The following IL31RA variants were observed in gnomAD, a reference collection of about 807,000 sequenced individuals.
The protein encoded by IL31RA is interleukin-31 receptor subunit alpha.
In IL31RA, 66 loss-of-function variants were observed where a neutral mutation model predicts 83.7. The ratio of observed to expected loss-of-function variants is 0.79; its 90% confidence interval spans 0.65 to 0.97. The LOEUF is 0.97. IL31RA is among the 50% of genes least tolerant of loss of function. The pLI is 0.00. For synonymous variants in IL31RA, 325 were observed against 329.0 expected, an observed-to-expected ratio of 0.99 and a Z score of 0.13; for missense variants, 798 against 919.4, an observed-to-expected ratio of 0.87 and a Z score of 1.71.
At chr5:55,906,431 A>G in intron 9 of IL31RA, 143 bp downstream of exon 9, 1 of 828,642 alleles carries the variant, frequency 1.2e-6, no homozygotes, top group Non-Finnish European at 2.0e-6. Context: ...ATGAAGTGAC[A>G]CGCTTCTTGG....
chr5:55,892,626 T>A (rs1183417889), intron 6 of IL31RA, among the ~76,000 whole-genome samples: 1 of 152,220 alleles, frequency 6.6e-6, no homozygotes, highest in Non-Finnish European at 1.5e-5. Context: ...GGCAAGCTGA[T>A]GATTAAGTGC....
At position 55,883,089 on chromosome 5, in the gene IL31RA, G is replaced by T. The variant is rs369542944; in HGVS notation, c.500G>T (p.Gly167Val). Residue 167 changes from glycine (G) to valine (V), a missense_variant, in exon 5 of 15, where the codon GGC becomes GTC. Coordinates refer to ENST00000652347, the MANE Select transcript of IL31RA (RefSeq NM_139017.7). Reference sequence around the variant, plus strand: ...ATTTTCCGTGTGAAACCAGTTTTGGGCATCAAACGAATGATTCAAATTGAA... The same window carrying T: ...ATTTTCCGTGTGAAACCAGTTTTGGTCATCAAACGAATGATTCAAATTGAA... ...PKIFRVKPVLGIKRMIQIEWI... is the reference protein window; with the variant it reads ...PKIFRVKPVLVIKRMIQIEWI... 9 of 1,613,838 alleles carry T rather than the reference G, an allele frequency of 5.6e-6. No individual in the cohort carries two copies. The highest frequency in any genetic ancestry group is 4.0e-5 in the African/African-American group (3 of 74,890).
Position 55,903,576 on chromosome 5 carries a change from C to T in IL31RA, c.1070-2530C>T, listed in dbSNP as rs780335445. On this transcript the variant is annotated intron_variant, in intron 8 of 14. Transcript: ENST00000652347. The surrounding 1 kb of genome is among the most constrained non-coding windows in gnomAD (Gnocchi z 4.7). ...TCATGGTTTCCTGGGGCCGGCGCCA[C>T]GCCCCTGTGGTCTCCGCAGTCTCTG... 2.6e-5 allele frequency among the ~76,000 whole-genome samples: 4 copies of T among 152,208 alleles called. No individual in the cohort carries two copies. Among genetic ancestry groups the T allele is most frequent in the East Asian group, 1.9e-4 (1 of 5,198 alleles).
rs145951385 is a variant in IL31RA, at chr5:55,875,531, C to CT, written c.454+3089dup. Among the ~76,000 whole-genome samples, 651 of 151,426 alleles carry CT rather than the reference C, an allele frequency of 4.3e-3. 3 individuals carry two copies. The highest frequency in any genetic ancestry group is 6.2e-3 in the Non-Finnish European group (419 of 67,722). On this transcript the variant is annotated intron_variant, in intron 4 of 14. Coordinates refer to ENST00000652347, the MANE Select transcript of IL31RA (RefSeq NM_139017.7). Reference sequence around the variant, plus strand: ...TTTTTGACTTGGTTTCTTTATAAAACTTTTTTTTTAAGACCTCCCTTTGGA... The same window carrying CT: ...TTTTTGACTTGGTTTCTTTATAAAACTTTTTTTTTTAAGACCTCCCTTTGGA...
rs753521573 is a variant in IL31RA, at chr5:55,913,543, C to T, written c.1709C>T (p.Thr570Ile). The change falls in exon 13 of 15, where the codon ACA becomes ATA. Residue 570 changes from threonine (T) to isoleucine (I), a missense_variant. By Grantham distance (89) the Thr-to-Ile change is moderately conservative (BLOSUM62 -1). Coordinates refer to ENST00000652347, the MANE Select transcript of IL31RA (RefSeq NM_139017.7). ...GGCCTTCTTATTCTCATTATCCTGA[C>T]AGTGGCATATGGTCTCAAAAAACCC... ...GGGLLILIIL[T>I]VAYGLKKPNK... 9 of 1,612,804 alleles carry T rather than the reference C, an allele frequency of 5.6e-6. No individual in the cohort carries two copies. Among genetic ancestry groups the T allele is most frequent in the South Asian group, 2.2e-5 (2 of 91,062 alleles).
intron 2 of IL31RA, among the ~76,000 whole-genome samples, chr5:55,862,440 G>A (rs1745744174): frequency 6.6e-6 from 1 of 152,076 alleles, no homozygotes; most frequent in African/African-American, 2.4e-5. Flanking sequence ...GTCTCGCTCT[G>A]TCGCCCTGGC....
At chr5:55,891,815 G>A (rs944555057) in intron 6 of IL31RA, among the ~76,000 whole-genome samples, 32 of 104,964 alleles carry the variant, frequency 3.0e-4, no homozygotes, top group African/African-American at 1.0e-3. Flanking sequence ...TCGCTTTGTC[G>A]CCCAGGCTGG....
upstream of IL31RA, among the ~76,000 whole-genome samples, chr5:55,847,393 C>A (rs1744960790): frequency 6.6e-6 from 1 of 152,002 alleles, no homozygotes; most frequent in Non-Finnish European, 1.5e-5. Context: ...ACCAGCCTGG[C>A]CACCATGGTG....
At position 55,917,334 on chromosome 5, in the gene IL31RA, G is replaced by C; in HGVS notation, c.*214G>C. On this transcript the variant is annotated 3_prime_UTR_variant, in exon 15 of 15. Coordinates refer to ENST00000652347, the MANE Select transcript of IL31RA (RefSeq NM_139017.7). ...TGGTGATAAGCCCGAGTTTTGTAAAGGAACAGCAGTCTCTTTTCGTTTGTT... is the reference window on the plus strand; with the variant it reads ...TGGTGATAAGCCCGAGTTTTGTAAACGAACAGCAGTCTCTTTTCGTTTGTT... 1 of 1,433,104 alleles carries C rather than the reference G, an allele frequency of 7.0e-7. No individual in the cohort carries two copies. Among genetic ancestry groups the C allele is most frequent in the African/African-American group, 1.4e-5 (1 of 69,922 alleles). 88.8% of individuals were successfully genotyped at this position (1,433,104 alleles called of 1,614,324 possible).
chr5:55,904,178 C>A (rs1266367591), intron 8 of IL31RA, among the ~76,000 whole-genome samples: 2 of 152,172 alleles, frequency 1.3e-5, no homozygotes, highest in Non-Finnish European at 2.9e-5. Flanking sequence ...TGGGTATATA[C>A]TTTGGGGGGA....
rs908130125 is a variant in IL31RA at position 55,919,528 on chromosome 5, C to T, written c.*2408C>T. ...TTCTTTCCTTTCTCTCCTCTTGCCC[C>T]TATCTTGTGCTTTGTTTTCCCCCAC... is the stretch of plus-strand genomic sequence containing the variant. On this transcript the variant is annotated 3_prime_UTR_variant, in exon 15 of 15. Transcript: ENST00000652347. Among the ~76,000 whole-genome samples, 5 of 152,218 alleles carry T rather than the reference C, an allele frequency of 3.3e-5. No homozygotes were observed. Among genetic ancestry groups the T allele is most frequent in the African/African-American group, 1.2e-4 (5 of 41,448 alleles).
intron 12 of IL31RA, among the ~76,000 whole-genome samples, chr5:55,912,457 C>T (rs1170691525): frequency 6.6e-6 from 1 of 152,186 alleles, no homozygotes; most frequent in Non-Finnish European, 1.5e-5. Context: ...GGATCCTTCT[C>T]ACTATTAAGA....
At chr5:55,881,675 T>A (rs1747240843) in intron 4 of IL31RA, among the ~76,000 whole-genome samples, 1 of 149,806 alleles carries the variant, frequency 6.7e-6, no homozygotes, top group African/African-American at 2.4e-5. Flanking sequence ...CCATTTTGCC[T>A]CTTAATGGCC....
intron 9 of IL31RA, 55 bp downstream of exon 9, chr5:55,906,343 A>G (rs1322146536): frequency 1.3e-6 from 2 of 1,543,650 alleles, no homozygotes; most frequent in Non-Finnish European, 1.8e-6. Flanking sequence ...TTTCATTTTC[A>G]TCCATTTTTA....
intron 3 of IL31RA, among the ~76,000 whole-genome samples, chr5:55,870,268 C>T (rs917921994): frequency 1.3e-5 from 2 of 152,056 alleles, no homozygotes; most frequent in African/African-American, 2.4e-5. Flanking sequence ...TATTTTTGTT[C>T]GTTTTATTTA....
chr5:55,916,742 G>A lies in IL31RA; in HGVS notation c.1917G>A (p.Lys639=), dbSNP rs751190271. 7 of 1,614,204 alleles carry A rather than the reference G, an allele frequency of 4.3e-6. No homozygotes were observed. Among genetic ancestry groups the A allele is most frequent in the Non-Finnish European group, 3.4e-6 (4 of 1,180,022 alleles). Residue 639 remains lysine (K), a synonymous_variant, in exon 15 of 15, where the codon AAG becomes AAA. Transcript: ENST00000652347. ...STPSDKLVID[K]LVVNFGNVLQ... ...CCAGTGACAAGTTGGTGATTGACAA[G>A]TTGGTGGTGAACTTTGGGAATGTTC...
the IL31RA span, among the ~76,000 whole-genome samples, chr5:55,843,407 G>A: frequency 6.6e-6 from 1 of 152,162 alleles, no homozygotes; most frequent in African/African-American, 2.4e-5. Flanking sequence ...TCCACTCCCT[G>A]TTAAGTTCTC....
intron 13 of IL31RA, 105 bp downstream of exon 13, chr5:55,913,675 T>C: frequency 1.3e-6 from 1 of 768,396 alleles, no homozygotes; most frequent in Non-Finnish European, 2.4e-6. Context: ...TTAAGGGGTG[T>C]TCATTCATTT....
chr5:55,896,095 T>C (rs1250063559), intron 6 of IL31RA, among the ~76,000 whole-genome samples: 1 of 152,206 alleles, frequency 6.6e-6, no homozygotes, highest in African/African-American at 2.4e-5. Context: ...TGGGGCCTAT[T>C]ATACTTTTCC....
Sources: gnomAD v4.1 joint callset for allele counts (sites outside exome capture counted in the v4.1 genomes callset) on GRCh38, gnomAD v4.1.1 for gene constraint, Gnocchi (gnomAD v3.1) non-coding constraint, MANE v1.5 for transcripts, NCBI Gene and HGNC (gene_info 2026-07-23, HGNC 2026-07-21) for gene names.